Variants in LARGE1 observed in about 807,000 individuals in gnomAD.
LARGE1 encodes LARGE xylosyl- and glucuronyltransferase 1, also known as xylosyl- and glucuronyltransferase LARGE1.
A neutral mutation model predicts 87.6 loss-of-function variants in LARGE1; 43 were observed. That is an observed-to-expected ratio of 0.49 (90% confidence interval 0.38 to 0.63). The LOEUF (loss-of-function observed/expected upper bound fraction) is 0.63. Ranked by LOEUF, LARGE1 falls within the 30% of genes least tolerant of loss-of-function variation. The probability of loss-of-function intolerance (pLI) is 0.00; values close to 1 mark genes in which losing one functional copy is unlikely to be tolerated. For missense variants in LARGE1, 802 were observed against 1,000.2 expected (o/e 0.80, Z 2.67); for synonymous variants, 434 against 394.6 (o/e 1.10, Z -1.18).
intron 12 of LARGE1, among the ~76,000 whole-genome samples, chr22:33,300,824 G>A (rs80199934): frequency 0.048 from 7,361 of 152,238 alleles, 213 homozygotes; most frequent in African/African-American, 0.077. Flanking sequence ...ACACGCGTGA[G>A]CCACCGCGCC....
At chr22:33,508,678 C>T (rs888088929) in intron 6 of LARGE1, among the ~76,000 whole-genome samples, 1 of 152,058 alleles carries the variant, frequency 6.6e-6, no homozygotes, top group Non-Finnish European at 1.5e-5. Flanking sequence ...CAGGTGTATC[C>T]AAAAGGTTGA....
intron 6 of LARGE1, among the ~76,000 whole-genome samples, chr22:33,447,828 C>T (rs2067747103): frequency 6.6e-6 from 1 of 151,924 alleles, no homozygotes. Flanking sequence ...AAGGGCTCAG[C>T]TAAGTATACT....
rs909312265 is a variant in LARGE1 at position 33,288,394 on chromosome 22, A to C, written c.1731-5046T>G. ...TTCCAGCCTGCTGGCCTGCTCTGTC[A>C]ATTTCAGACTTGCCAACCCCACAAC... On this transcript the variant is annotated intron_variant, in intron 12 of 14. Transcript: ENST00000397394. Among the ~76,000 whole-genome samples, 3 of 152,154 alleles carry C rather than the reference A, an allele frequency of 2.0e-5. 1 individual carries two copies. The highest frequency in any genetic ancestry group is 4.1e-4 in the South Asian group (2 of 4,820).
At chr22:33,225,070 A>C (rs118033) in intron 11 of LARGE1, among the ~76,000 whole-genome samples, 54,579 of 152,090 alleles carry the variant, frequency 0.36, 12,622 homozygotes, top group African/African-American at 0.67. Context: ...GCTGTCAGGG[A>C]TGTCAAATGG....
At chr22:33,775,794 G>A (rs1169655280) in intron 1 of LARGE1, among the ~76,000 whole-genome samples, 1 of 151,432 alleles carries the variant, frequency 6.6e-6, no homozygotes, top group African/African-American at 2.4e-5. Flanking sequence ...GGAGGTTGCA[G>A]GGAGCCGAGA....
At chr22:33,574,930 C>A (rs1391164434) in intron 5 of LARGE1, among the ~76,000 whole-genome samples, 3 of 152,010 alleles carry the variant, frequency 2.0e-5, no homozygotes, top group African/African-American at 4.8e-5. Flanking sequence ...GATGTGATCT[C>A]ATCTATATTT....
At chr22:33,617,081 T>C (rs928832589) in intron 4 of LARGE1, among the ~76,000 whole-genome samples, 1 of 152,186 alleles carries the variant, frequency 6.6e-6, no homozygotes, top group Non-Finnish European at 1.5e-5. Flanking sequence ...CCTAGGGGGA[T>C]GTGCTAAGCA....
At chr22:33,119,436 G>T in the LARGE1 span, among the ~76,000 whole-genome samples, 10 of 152,078 alleles carry the variant, frequency 6.6e-5, no homozygotes, top group African/African-American at 2.2e-4. Flanking sequence ...AGTGGCATCT[G>T]GGTGAAATCT....
At chr22:33,312,205 A>G (rs1044990795) in intron 11 of LARGE1, among the ~76,000 whole-genome samples, 1 of 152,156 alleles carries the variant, frequency 6.6e-6, no homozygotes, top group Non-Finnish European at 1.5e-5. Context: ...GCACTTTGGG[A>G]GGCCAAGGTG....
Position 33,246,105 on chromosome 22 carries a change from C to G in LARGE1, c.1730+58124G>C, listed in dbSNP as rs187110313. The stretch of plus-strand genomic sequence containing the variant: ...AATGCACCATTTTAAAATAAAATAG[C>G]AACCTCTTTGGACATCCAGTAAAGT... On this transcript the variant is annotated intron_variant, in intron 11 of 11. Coordinates refer to the LARGE1 transcript ENST00000608642. Among the ~76,000 whole-genome samples, 128 of 152,274 alleles carry G rather than the reference C, an allele frequency of 8.4e-4. 3 individuals are homozygous for G. Among genetic ancestry groups the G allele is most frequent in the Admixed American group, 7.6e-3 (116 of 15,300 alleles).
At chr22:33,487,540 C>T (rs2069640204) in intron 6 of LARGE1, among the ~76,000 whole-genome samples, 1 of 152,138 alleles carries the variant, frequency 6.6e-6, no homozygotes, top group Non-Finnish European at 1.5e-5. Context: ...GGCATTTCCT[C>T]CAGCTGCCAA....
At chr22:33,294,440 G>A (rs1932962319) in intron 12 of LARGE1, among the ~76,000 whole-genome samples, 1 of 152,214 alleles carries the variant, frequency 6.6e-6, no homozygotes, top group African/African-American at 2.4e-5. Context: ...GGACTCCTAT[G>A]AAAGTTATAT....
At chr22:33,648,414 A>G (rs1569340113) in intron 3 of LARGE1, among the ~76,000 whole-genome samples, 2 of 151,546 alleles carry the variant, frequency 1.3e-5, no homozygotes. Flanking sequence ...TTTAGGTTCT[A>G]TGTCATAATA....
In LARGE1 at chr22:33,748,024, C is replaced by CAAAAAA. The variant is rs535230421; in HGVS notation, c.106+13341_106+13346dup. ...GGGCACTGTGTGCCCTCTGCTGGAG[C>CAAAAAA]AAAAAAAAAAAAAAAAAAAAAAAAA... On this transcript the variant is annotated intron_variant, in intron 2 of 14. Transcript: ENST00000397394. Among the ~76,000 whole-genome samples the CAAAAAA allele has an allele frequency of 4.9e-3, 106 of 21,736 alleles. 28 individuals carry two copies. The highest frequency in any genetic ancestry group is 7.8e-3 in the African/African-American group (71 of 9,090). 14.3% of individuals were successfully genotyped at this position (21,736 alleles called of 152,430 possible).
the LARGE1 span, among the ~76,000 whole-genome samples, chr22:33,086,047 G>C: frequency 6.6e-6 from 1 of 152,278 alleles, no homozygotes; most frequent in East Asian, 1.9e-4. Context: ...ATATACTGAA[G>C]AATTTTAACA....
At chr22:33,640,888 ACCT>A (rs955025534) in intron 3 of LARGE1, among the ~76,000 whole-genome samples, 3 of 152,178 alleles carry the variant, frequency 2.0e-5, no homozygotes, top group Non-Finnish European at 4.4e-5. Flanking sequence ...TGGGCAGGAC[ACCT>A]CTGAAAGAAA....
At chr22:33,789,299 TA>T (rs1371089379) in intron 1 of LARGE1, among the ~76,000 whole-genome samples, 1 of 152,190 alleles carries the variant, frequency 6.6e-6, no homozygotes, top group African/African-American at 2.4e-5. Flanking sequence ...GAGAAGTCAA[TA>T]ATTGAGATTT....
chr22:33,156,410 G>C, the LARGE1 span, among the ~76,000 whole-genome samples: 1 of 152,328 alleles, frequency 6.6e-6, no homozygotes, highest in African/African-American at 2.4e-5. Context: ...TTACATTAAT[G>C]TTATCTGGAT....
chr22:33,653,329 T>A (rs961032494), intron 2 of LARGE1, among the ~76,000 whole-genome samples: 1 of 152,232 alleles, frequency 6.6e-6, no homozygotes, highest in Non-Finnish European at 1.5e-5. Context: ...GCAGTTTGAC[T>A]GTAAACAAGG....
Sources: gnomAD v4.1 joint callset for allele counts (sites outside exome capture counted in the v4.1 genomes callset) on GRCh38, gnomAD v4.1.1 for gene constraint, MANE v1.5 for transcripts, NCBI Gene and HGNC (gene_info 2026-07-23, HGNC 2026-07-21) for gene names.